FSD1L: variants seen among roughly 807,000 people sequenced by gnomAD.
The protein encoded by FSD1L is FSD1-like protein.
A neutral mutation model predicts 71.6 loss-of-function variants in FSD1L; 45 were observed. That is an observed-to-expected ratio of 0.63 (90% CI 0.49 to 0.81). The LOEUF (loss-of-function observed/expected upper bound fraction) is 0.81, where lower values mean the gene tolerates loss of function less well. FSD1L is among the 30% of genes least tolerant of loss of function. The probability of loss-of-function intolerance (pLI) is 0.00; values close to 1 mark genes in which losing one functional copy is unlikely to be tolerated. For missense variants in FSD1L, 561 were observed against 618.1 expected (o/e 0.91, Z 0.98); for synonymous variants, 197 against 207.2 (o/e 0.95, Z 0.42).
rs1837103555 is a variant in FSD1L at position 105,548,002 on chromosome 9, C to CA, written c.*1519_*1520insA. On this transcript the variant is annotated 3_prime_UTR_variant, in exon 14 of 14. Coordinates refer to ENST00000481272, the MANE Select transcript of FSD1L (RefSeq NM_001145313.3). The stretch of plus-strand genomic sequence containing the variant: ...GTAGCTCATTCTCTCTAAAAATTTA[C>CA]TGCCCACTGATAGGATGTTTTGTTT... The CA allele has an allele frequency of 6.6e-6, 1 of 152,060 alleles. No individual in the cohort carries two copies. The highest frequency in any genetic ancestry group is 1.5e-5 in the Non-Finnish European group (1 of 67,956). 9.4% of individuals were successfully genotyped at this position (152,060 alleles called of 1,614,324 possible). A position where few individuals can be genotyped will look rare whatever the true frequency, so the allele number is the denominator to read the frequency against.
rs115345380 is a variant in FSD1L at position 105,457,928 on chromosome 9, G to A, written c.16-3592G>A. Among the ~76,000 whole-genome samples the A allele has an allele frequency of 9.2e-3, 1,406 of 152,374 alleles. 22 individuals are homozygous for A. Among genetic ancestry groups the A allele is most frequent in the African/African-American group, 0.032 (1,346 of 41,592 alleles). On this transcript the variant is annotated intron_variant, in intron 1 of 13. Coordinates refer to ENST00000481272, the MANE Select transcript of FSD1L (RefSeq NM_001145313.3). ...ACTGCAAGTGGCTTCCTCTGTGGGTGCCTGCGTCTGGATGAAGTGAACACA... is the reference window on the plus strand; with the variant it reads ...ACTGCAAGTGGCTTCCTCTGTGGGTACCTGCGTCTGGATGAAGTGAACACA...
intron 2 of FSD1L, among the ~76,000 whole-genome samples, chr9:105,462,521 T>G (rs1213920767): frequency 4.8e-5 from 4 of 83,102 alleles, no homozygotes; most frequent in African/African-American, 2.2e-4. Context: ...GTGACTGACA[T>G]TTTTTTTTTT....
At chr9:105,446,611 T>A (rs1332750083), upstream of FSD1L, among the ~76,000 whole-genome samples, 1 of 151,996 alleles carries the variant, frequency 6.6e-6, no homozygotes, top group Admixed American at 6.5e-5. Flanking sequence ...ACTCAAGTGA[T>A]CCACTCATTG....
Position 105,498,190 on chromosome 9 carries a change from TTTATTATTATTATTA to T in FSD1L, c.587-8188_587-8174del, listed in dbSNP as rs61620098. On this transcript the variant is annotated intron_variant, in intron 7 of 13. Coordinates refer to ENST00000481272, the MANE Select transcript of FSD1L (RefSeq NM_001145313.3). ...TTATTTCTTTTCTGCTTGCTTTGGC[TTTATTATTATTATTA>T]TTATTATTATTATTATTATTGTTTT... Among the ~76,000 whole-genome samples the T allele has an allele frequency of 1.3e-4, 19 of 143,436 alleles. 1 individual carries two copies. The highest frequency in any genetic ancestry group is 3.7e-3 in the Middle Eastern group (1 of 272). 94.1% of individuals were successfully genotyped at this position (143,436 alleles called of 152,430 possible).
intron 9 of FSD1L, among the ~76,000 whole-genome samples, chr9:105,509,886 A>G (rs1352909776): frequency 6.6e-6 from 1 of 152,224 alleles, no homozygotes; most frequent in Non-Finnish European, 1.5e-5. Context: ...TAATAGTCAT[A>G]TGTAGGCAGA....
chr9:105,508,798 A>C, intron 9 of FSD1L, 83 bp downstream of exon 9: 2 of 783,680 alleles, frequency 2.6e-6, no homozygotes, highest in Non-Finnish European at 4.0e-6. Flanking sequence ...GAAGCACTTC[A>C]TGTGATGTTG....
At chr9:105,449,344 T>C (rs1475093999) in intron 1 of FSD1L, among the ~76,000 whole-genome samples, 1 of 152,242 alleles carries the variant, frequency 6.6e-6, no homozygotes, top group Admixed American at 6.5e-5. Flanking sequence ...GCATGACTAT[T>C]CTTAAGGCAT....
chr9:105,516,498 G>A (rs879580841), intron 10 of FSD1L, among the ~76,000 whole-genome samples: 1 of 152,160 alleles, frequency 6.6e-6, no homozygotes, highest in Non-Finnish European at 1.5e-5. Context: ...GGAAAGAACA[G>A]GCAGCAGTCT....
At chr9:105,523,023 T>C (rs1835280272) in intron 10 of FSD1L, 5 of 1,614,000 alleles carry the variant, frequency 3.1e-6, no homozygotes. Context: ...TGGCCAAAAA[T>C]TTGACAATTT....
Position 105,505,441 on chromosome 9 carries a change from A to G in FSD1L, c.587-958A>G, listed in dbSNP as rs185935990. On this transcript the variant is annotated intron_variant, in intron 7 of 13. Transcript: ENST00000481272. ...ACACCTGGCTAATTTTTGTGTTTTTAGTAGAGACGGGGTTTCACTATGTTG... is the reference window on the plus strand; with the variant it reads ...ACACCTGGCTAATTTTTGTGTTTTTGGTAGAGACGGGGTTTCACTATGTTG... Among the ~76,000 whole-genome samples the G allele has an allele frequency of 3.3e-5, 5 of 152,140 alleles. No individual in the cohort carries two copies. The East Asian group carries it at 9.7e-4, about 29-fold the overall frequency.
chr9:105,513,738 A>G (rs1834535425), intron 10 of FSD1L: 2 of 770,304 alleles, frequency 2.6e-6, no homozygotes, highest in South Asian at 3.5e-5. Context: ...CCATTGCGGC[A>G]GCCTTCATAA....
intron 8 of FSD1L, 59 bp from the exon 9 acceptor site, chr9:105,508,558 C>A: frequency 1.0e-6 from 1 of 974,478 alleles, no homozygotes; most frequent in Non-Finnish European, 1.6e-6. Flanking sequence ...CATACTCTTA[C>A]TTTTGGGAAT....
At chr9:105,444,716 G>C (rs1829605257), upstream of FSD1L, among the ~76,000 whole-genome samples, 2 of 152,184 alleles carry the variant, frequency 1.3e-5, no homozygotes, top group African/African-American at 2.4e-5. Context: ...TGACTAGATA[G>C]GCTTTTTAAG....
At chr9:105,486,166 A>G (rs1278548938) in intron 7 of FSD1L, among the ~76,000 whole-genome samples, 1 of 152,178 alleles carries the variant, frequency 6.6e-6, no homozygotes, top group Non-Finnish European at 1.5e-5. Context: ...GAGAGAAGGA[A>G]CTGTAGTTGT....
chr9:105,521,271 G>A, intron 10 of FSD1L: 1 of 1,614,216 alleles, frequency 6.2e-7, no homozygotes, highest in Non-Finnish European at 8.5e-7. Context: ...TCAGAGAGCA[G>A]CTGCTAGTTT....
intron 10 of FSD1L, among the ~76,000 whole-genome samples, chr9:105,532,791 T>C (rs906737082): frequency 1.3e-5 from 2 of 152,368 alleles, no homozygotes; most frequent in South Asian, 4.1e-4. Flanking sequence ...CTAAGTCATG[T>C]GAGTGTTGTA....
chr9:105,537,527 G>A (rs771537113), intron 12 of FSD1L, among the ~76,000 whole-genome samples: 1 of 151,930 alleles, frequency 6.6e-6, no homozygotes, highest in Non-Finnish European at 1.5e-5. Flanking sequence ...GTGAGATACA[G>A]TTTTTAGTCT....
chr9:105,477,025 T>A (rs1831850454), intron 5 of FSD1L, among the ~76,000 whole-genome samples: 1 of 152,228 alleles, frequency 6.6e-6, no homozygotes, highest in South Asian at 2.1e-4. Context: ...ATTATCTGGC[T>A]TTTCATTTAT....
At chr9:105,520,508 T>C in intron 10 of FSD1L, 1 of 1,116,630 alleles carries the variant, frequency 9.0e-7, no homozygotes, top group South Asian at 1.3e-5. Flanking sequence ...GATGCTATAC[T>C]TTTTATTTTT....
Sources: allele counts gnomAD v4.1 joint callset (sites outside exome capture counted in the v4.1 genomes callset), GRCh38; gene constraint gnomAD v4.1.1; transcripts MANE v1.5; gene names NCBI Gene and HGNC (gene_info 2026-07-23, HGNC 2026-07-21).